The following COL4A6 variants were observed in gnomAD, a reference collection of about 807,000 sequenced individuals.
COL4A6 encodes the protein collagen alpha-6(IV) chain.
COL4A6 carries 59 observed loss-of-function variants against 126.7 expected under a neutral mutation model. The observed-to-expected ratio is 0.47, with a 90% CI of 0.38 to 0.58. The LOEUF is 0.58. Ranked by LOEUF, COL4A6 falls within the 20% of genes least tolerant of loss-of-function variation. COL4A6 has a pLI of 0.00. For synonymous variants in COL4A6, 547 were observed against 496.6 expected (o/e 1.10, Z -1.35); for missense variants, 1,285 against 1,337.3 (o/e 0.96, Z 0.61).
intron 2 of COL4A6, among the ~76,000 whole-genome samples, chrX:108,350,561 C>A (rs2039814878): frequency 1.8e-5 from 2 of 111,384 alleles, no homozygotes; most frequent in Non-Finnish European, 3.8e-5. Context: ...ATGAAAAAAC[C>A]AATTCAGGCA....
chrX:108,165,222 C>T, intron 38 of COL4A6, 148 bp downstream of exon 38: 2 of 730,853 alleles, frequency 2.7e-6, no homozygotes, highest in Non-Finnish European at 4.3e-6. Context: ...TGGCTCAAGT[C>T]CCCTGTGTCC....
intron 3 of COL4A6, among the ~76,000 whole-genome samples, chrX:108,278,034 G>A (rs897797299): frequency 3.6e-5 from 4 of 111,774 alleles, no homozygotes; most frequent in African/African-American, 1.3e-4. Context: ...AAACCACAAA[G>A]ATGGGGAAAA....
chrX:108,336,765 C>T (rs1477157898), intron 2 of COL4A6, among the ~76,000 whole-genome samples: 1 of 111,272 alleles, frequency 9.0e-6, no homozygotes, highest in Non-Finnish European at 1.9e-5. Flanking sequence ...CATGTCTCCG[C>T]TCATGGTTAA....
intron 3 of COL4A6, among the ~76,000 whole-genome samples, 183 bp downstream of exon 3, chrX:108,310,565 A>C (rs746333730): frequency 8.9e-6 from 1 of 112,446 alleles, no homozygotes; most frequent in Admixed American, 9.4e-5. Flanking sequence ...TTGGTACCTC[A>C]GAGAGTTTGA....
chrX:108,417,587 T>G (rs1767433834), intron 2 of COL4A6, among the ~76,000 whole-genome samples: 1 of 111,755 alleles, frequency 8.9e-6, no homozygotes, highest in African/African-American at 3.3e-5. Context: ...TCTACCAAAT[T>G]ATTGTTCTTT....
At chrX:108,195,329 T>G (rs1346547072) in intron 14 of COL4A6, among the ~76,000 whole-genome samples, 1 of 108,169 alleles carries the variant, frequency 9.2e-6, no homozygotes, top group Non-Finnish European at 1.9e-5. Context: ...TGGAGTGCAG[T>G]GGTACAATCT....
At chrX:108,377,090 C>A (rs754856248) in intron 2 of COL4A6, among the ~76,000 whole-genome samples, 49 of 112,543 alleles carry the variant, frequency 4.4e-4, no homozygotes, top group Non-Finnish European at 8.4e-4. Flanking sequence ...TGTGGCAAGA[C>A]AATAGGGTAA....
intron 3 of COL4A6, among the ~76,000 whole-genome samples, chrX:108,262,292 T>C (rs2037184797): frequency 9.0e-6 from 1 of 111,356 alleles, no homozygotes; most frequent in South Asian, 3.8e-4. Flanking sequence ...TGTCCTCCCA[T>C]TGCTCCTTAG....
intron 3 of COL4A6, among the ~76,000 whole-genome samples, chrX:108,249,675 T>G (rs1237710738): frequency 1.8e-5 from 2 of 111,198 alleles, no homozygotes; most frequent in Non-Finnish European, 3.8e-5. Context: ...GCACTTGGGG[T>G]TTCCTCATGT....
intron 3 of COL4A6, among the ~76,000 whole-genome samples, chrX:108,288,368 A>C (rs2038062052): frequency 8.9e-6 from 1 of 112,025 alleles, no homozygotes; most frequent in Middle Eastern, 4.2e-3. Context: ...GTTGACAAAA[A>C]AAGTACATTT....
chrX:108,361,947 A>C (rs1001843902), intron 2 of COL4A6, among the ~76,000 whole-genome samples: 34 of 111,998 alleles, frequency 3.0e-4, no homozygotes, highest in Admixed American at 2.9e-3. Flanking sequence ...CACTATTAAT[A>C]ATGTAACGTA....
chrX:108,187,017 CATTTCA>C (rs2034884689), intron 23 of COL4A6, 73 bp downstream of exon 23: 1 of 826,588 alleles, frequency 1.2e-6, no homozygotes, highest in Non-Finnish European at 1.6e-6. Context: ...TCTTATGATA[CATTTCA>C]TGCACCTGAG....
In COL4A6 at chrX:108,188,425, C is replaced by G. The variant is rs1287109447; in HGVS notation, c.1587+92G>C. On this transcript the variant is annotated intron_variant, in intron 21 of 44. Coordinates refer to ENST00000334504, the MANE Select transcript of COL4A6 (RefSeq NM_033641.4). ...AAAACTTTGTTTTAATCCCATCTCTCTTGTATGTGCTTTAGAAAAGTAACT... is the reference window on the plus strand; with the variant it reads ...AAAACTTTGTTTTAATCCCATCTCTGTTGTATGTGCTTTAGAAAAGTAACT... The G allele has an allele frequency of 1.3e-5, 12 of 907,216 alleles. No individual in the cohort carries two copies. In the South Asian group the frequency reaches 1.7e-4, roughly 13 times the overall value. The allele number at this position is 907,216 out of a possible 1,213,427, so 74.8% of individuals were successfully genotyped here.
chrX:108,267,596 C>T (rs765804931), intron 3 of COL4A6: 112 of 112,527 alleles, frequency 1.0e-3, no homozygotes, highest in African/African-American at 3.4e-3. Flanking sequence ...AGTGAGGAAT[C>T]ATATAAAACA....
chrX:108,165,078 C>A, intron 38 of COL4A6, 40 bp from the exon 39 acceptor site: 3 of 1,150,484 alleles, frequency 2.6e-6, no homozygotes, highest in Non-Finnish European at 3.5e-6. Flanking sequence ...GGCAGGTGAA[C>A]AGGTAGTAGC....
At chrX:108,419,757 C>T (rs2041497548) in intron 2 of COL4A6, among the ~76,000 whole-genome samples, 2 of 111,499 alleles carry the variant, frequency 1.8e-5, no homozygotes. Flanking sequence ...CTAAATAGCA[C>T]AAGATGGCAG....
At chrX:108,172,651 AGGGTGGACT>A (rs1036096454) in intron 31 of COL4A6, 119 bp from the exon 32 acceptor site, 1 of 527,011 alleles carries the variant, frequency 1.9e-6, no homozygotes, top group African/African-American at 2.4e-5. Flanking sequence ...TTCTGTGGCA[AGGGTGGACT>A]GTGGGCTGGA....
At chrX:108,351,440 C>CTGTGTGTGTGTG (rs574111228) in intron 2 of COL4A6, among the ~76,000 whole-genome samples, 3 of 97,911 alleles carry the variant, frequency 3.1e-5, no homozygotes, top group Non-Finnish European at 6.0e-5. Flanking sequence ...AACTCTCTCT[C>CTGTGTGTGTGTG]TCTGTGTGTG....
chrX:108,177,548 C>T (rs186334929), intron 27 of COL4A6, among the ~76,000 whole-genome samples: 5 of 111,857 alleles, frequency 4.5e-5, no homozygotes, highest in African/African-American at 1.3e-4. Context: ...GAAAGACCCC[C>T]TAGTGCCAAG....
Sources: allele counts gnomAD v4.1 joint callset (sites outside exome capture counted in the v4.1 genomes callset), GRCh38; gene constraint gnomAD v4.1.1; transcripts MANE v1.5; gene names NCBI Gene and HGNC (gene_info 2026-07-23, HGNC 2026-07-21).